Variants in DNER observed in about 807,000 individuals in gnomAD.
DNER encodes the protein delta/notch like EGF repeat containing, also known as delta and Notch-like epidermal growth factor-related receptor.
Under a neutral mutation model 78.2 loss-of-function variants are expected in DNER, and 33 were observed. The observed-to-expected ratio is 0.42, with a 90% CI of 0.32 to 0.56. The LOEUF is 0.56. Among genes scored for constraint, DNER ranks in the 20% least tolerant of loss-of-function variants. The pLI is 0.11. For missense variants in DNER, 918 were observed against 975.3 expected, an observed-to-expected ratio of 0.94 and a Z score of 0.78; for synonymous variants, 417 against 384.8, an observed-to-expected ratio of 1.08 and a Z score of -0.98.
chr2:229,501,159 T>A (rs1157588852), intron 6 of DNER, among the ~76,000 whole-genome samples: 1 of 151,670 alleles, frequency 6.6e-6, no homozygotes, highest in East Asian at 1.9e-4. Context: ...TTGGAGAGAT[T>A]TAAAAGAGTA....
Position 229,371,425 on chromosome 2 carries a change from C to T in DNER, c.1856-4306G>A, listed in dbSNP as rs1692480269. 2.0e-5 allele frequency among the ~76,000 whole-genome samples: 3 copies of T among 152,246 alleles called. No homozygotes were observed. The South Asian group carries it at 6.2e-4, about 31-fold the overall frequency. On this transcript the variant is annotated intron_variant, in intron 11 of 12. Transcript: ENST00000341772. ...GATGGGTTCATCTCATCAGCCCCAG[C>T]AGGTGCATGACCAGGAATGCATGTG...
chr2:229,571,315 T>C (rs1483298019), intron 4 of DNER, among the ~76,000 whole-genome samples: 1 of 152,106 alleles, frequency 6.6e-6, no homozygotes, highest in Non-Finnish European at 1.5e-5. Flanking sequence ...GCCATTGAAA[T>C]CTACTTGCTG....
chr2:229,668,661 C>A (rs1170205280), intron 1 of DNER, among the ~76,000 whole-genome samples: 1 of 148,042 alleles, frequency 6.8e-6, no homozygotes, highest in Non-Finnish European at 1.5e-5. Context: ...AAATCAAAAC[C>A]ACAATGAGAT....
chr2:229,589,038 T>C (rs1042114247), intron 2 of DNER, among the ~76,000 whole-genome samples: 96 of 152,376 alleles, frequency 6.3e-4, no homozygotes, highest in African/African-American at 2.2e-3. Flanking sequence ...ATACCTTCGC[T>C]TTTAAATTAT....
intron 5 of DNER, 109 bp from the exon 6 acceptor site, chr2:229,513,045 T>C (rs1302789465): frequency 1.6e-6 from 2 of 1,217,566 alleles, no homozygotes; most frequent in African/African-American, 1.5e-5. Flanking sequence ...TAATCAGCAA[T>C]TTAATCAAAT....
chr2:229,625,781 G>A (rs1698328576), intron 1 of DNER, among the ~76,000 whole-genome samples: 1 of 152,118 alleles, frequency 6.6e-6, no homozygotes, highest in African/African-American at 2.4e-5. Context: ...TGCAATAGGT[G>A]GCATTGAAGG....
In DNER at chr2:229,566,647, C is replaced by A. The variant is rs149016640; in HGVS notation, c.847+19211G>T. On this transcript the variant is annotated intron_variant, in intron 4 of 12. Coordinates refer to ENST00000341772, the MANE Select transcript of DNER (RefSeq NM_139072.4). ...CCTTATTTTTCCACTTGCTAGAGAT[C>A]CAGAAAGGTCTTCGGCACCCAGCCT... Among the ~76,000 whole-genome samples, 13 of 152,246 alleles carry A rather than the reference C, an allele frequency of 8.5e-5. No homozygotes were observed. The East Asian group carries it at 2.5e-3, about 29-fold the overall frequency.
chr2:229,707,180 ATTTTTTT>A (rs397868353), intron 1 of DNER, among the ~76,000 whole-genome samples: 15 of 94,604 alleles, frequency 1.6e-4, no homozygotes, highest in African/African-American at 3.0e-4. Flanking sequence ...CGGCTGGCTA[ATTTTTTT>A]TTTTTTTTTT....
At chr2:229,438,175 C>A (rs1448233068) in intron 8 of DNER, among the ~76,000 whole-genome samples, 1 of 152,170 alleles carries the variant, frequency 6.6e-6, no homozygotes, top group African/African-American at 2.4e-5. Flanking sequence ...AGATGCGGTT[C>A]AATACCCTTG....
chr2:229,386,935 G>C (rs1207820574), intron 11 of DNER, among the ~76,000 whole-genome samples: 2 of 151,990 alleles, frequency 1.3e-5, no homozygotes, highest in African/African-American at 2.4e-5. Flanking sequence ...TTAAGGATCT[G>C]GAACCAGAAA....
chr2:229,367,066 G>A lies in DNER; in HGVS notation c.1909C>T (p.His637Tyr). Residue 637 changes from histidine (H) to tyrosine (Y), a missense_variant, in exon 12 of 13, where the codon CAC (histidine) becomes TAC (tyrosine). Physicochemically the swap from His to Tyr is moderately conservative, Grantham distance 83 (BLOSUM62 2). Coordinates refer to ENST00000341772, the MANE Select transcript of DNER (RefSeq NM_139072.4). ...MAESLTNMPRHSLYIIIGALC... is the reference protein window; with the variant it reads ...MAESLTNMPRYSLYIIIGALC... ...GCTCCAATGATGATGTAGAGGGAGT[G>A]CCGTGGCATGTTGGTGAGGCTCTCC... The A allele has an allele frequency of 6.2e-7, 1 of 1,614,126 alleles. No individual in the cohort carries two copies. Among genetic ancestry groups the A allele is most frequent in the East Asian group, 2.2e-5 (1 of 44,872 alleles).
intron 9 of DNER, among the ~76,000 whole-genome samples, chr2:229,408,779 A>G (rs527867970): frequency 6.6e-6 from 1 of 152,268 alleles, no homozygotes; most frequent in East Asian, 1.9e-4. Flanking sequence ...CACACTAATG[A>G]CTTATTTGAG....
chr2:229,661,397 T>C (rs1422874199), intron 1 of DNER, among the ~76,000 whole-genome samples: 1 of 151,242 alleles, frequency 6.6e-6, no homozygotes, highest in Non-Finnish European at 1.5e-5. Flanking sequence ...ACCAGACCAA[T>C]TGGATATTGA....
chr2:229,670,095 G>A (rs1343348225), intron 1 of DNER, among the ~76,000 whole-genome samples: 2 of 152,196 alleles, frequency 1.3e-5, no homozygotes, highest in South Asian at 2.1e-4. Context: ...TGGAACTGCT[G>A]TTGCAGCAAT....
intron 6 of DNER, among the ~76,000 whole-genome samples, chr2:229,480,796 A>G (rs1263434340): frequency 1.3e-5 from 2 of 152,236 alleles, no homozygotes; most frequent in Non-Finnish European, 2.9e-5. Flanking sequence ...ACACTTTGTC[A>G]TTGCTTTATT....
chr2:229,379,019 C>T (rs1446799779), intron 11 of DNER, among the ~76,000 whole-genome samples: 2 of 152,080 alleles, frequency 1.3e-5, no homozygotes, highest in Non-Finnish European at 2.9e-5. Context: ...AGTTTTGATA[C>T]CTTTGGCCCT....
intron 6 of DNER, among the ~76,000 whole-genome samples, chr2:229,500,598 A>AT (rs1695599056): frequency 6.6e-6 from 1 of 152,226 alleles, no homozygotes; most frequent in African/African-American, 2.4e-5. Flanking sequence ...TCATTGTAGC[A>AT]TTATTTACGA....
chr2:229,403,904 G>A (rs1190910825), intron 10 of DNER, among the ~76,000 whole-genome samples: 1 of 152,140 alleles, frequency 6.6e-6, no homozygotes, highest in East Asian at 1.9e-4. Context: ...AGACCACTCA[G>A]GTCTTAAAGA....
intron 1 of DNER, among the ~76,000 whole-genome samples, chr2:229,603,060 A>G (rs1697862443): frequency 6.6e-6 from 1 of 152,226 alleles, no homozygotes; most frequent in Non-Finnish European, 1.5e-5. Context: ...AACAGAAAGG[A>G]TCACACAGGG....
Sources: allele counts gnomAD v4.1 joint callset (sites outside exome capture counted in the v4.1 genomes callset), GRCh38; gene constraint gnomAD v4.1.1; transcripts MANE v1.5; gene names NCBI Gene and HGNC (gene_info 2026-07-23, HGNC 2026-07-21).